The following PPFIA2 variants were observed in gnomAD, a reference collection of about 807,000 sequenced individuals.
PPFIA2 encodes liprin-alpha-2.
In PPFIA2, 46 loss-of-function variants were observed where a neutral mutation model predicts 175.5. The observed-to-expected ratio is 0.26, with a 90% CI of 0.21 to 0.34. The LOEUF is 0.34. Among genes scored for constraint, PPFIA2 ranks in the 10% least tolerant of loss-of-function variants. PPFIA2 has a pLI of 1.00. For missense variants in PPFIA2, 1,179 were observed against 1,506.1 expected (o/e 0.78, Z 3.60); for synonymous variants, 568 against 511.4 (o/e 1.11, Z -1.49).
chr12:81,570,446 G>A (rs886866734), intron 4 of PPFIA2, among the ~76,000 whole-genome samples: 2 of 152,038 alleles, frequency 1.3e-5, no homozygotes, highest in African/African-American at 2.4e-5. Context: ...GTGTTTGGGC[G>A]AGGTGATGAG....
At chr12:81,650,033 G>A (rs1183834947) in intron 4 of PPFIA2, among the ~76,000 whole-genome samples, 13 of 150,590 alleles carry the variant, frequency 8.6e-5, no homozygotes, top group South Asian at 2.1e-4. Context: ...TTCCTGAGAC[G>A]GAGTCTTGCT....
At chr12:81,434,448 T>C (rs1322589073) in intron 7 of PPFIA2, among the ~76,000 whole-genome samples, 1 of 151,952 alleles carries the variant, frequency 6.6e-6, no homozygotes, top group African/African-American at 2.4e-5. Flanking sequence ...ATATGTCAGG[T>C]GAGAATGCAT....
intron 4 of PPFIA2, among the ~76,000 whole-genome samples, chr12:81,540,250 TAA>T (rs997300379): frequency 9.9e-5 from 15 of 152,088 alleles, no homozygotes; most frequent in African/African-American, 3.4e-4. Flanking sequence ...GTAAACCTTT[TAA>T]AGTCTTCTTT....
intron 22 of PPFIA2, among the ~76,000 whole-genome samples, chr12:81,322,107 G>T (rs1369128667): frequency 6.6e-6 from 1 of 152,126 alleles, no homozygotes; most frequent in Non-Finnish European, 1.5e-5. Context: ...CAAGTGCTCG[G>T]ATTACAGGCA....
chr12:81,311,059 T>C (rs1315748241), intron 22 of PPFIA2, among the ~76,000 whole-genome samples: 1 of 152,198 alleles, frequency 6.6e-6, no homozygotes, highest in Non-Finnish European at 1.5e-5. Flanking sequence ...CAGTCCAAAG[T>C]GTTTTAATGA....
At chr12:81,282,375 A>G (rs913310232) in intron 26 of PPFIA2, among the ~76,000 whole-genome samples, 1 of 152,122 alleles carries the variant, frequency 6.6e-6, no homozygotes, top group Non-Finnish European at 1.5e-5. Context: ...GTTTAAATAC[A>G]GGTCCTAATG....
At chr12:81,505,628 A>G (rs888816367) in intron 4 of PPFIA2, 1 of 152,190 alleles carries the variant, frequency 6.6e-6, no homozygotes, top group African/African-American at 2.4e-5. Flanking sequence ...CTACCACAAA[A>G]TTGCAAGTGG....
At chr12:81,485,455 C>T (rs1032857084) in intron 4 of PPFIA2, among the ~76,000 whole-genome samples, 1 of 151,650 alleles carries the variant, frequency 6.6e-6, no homozygotes, top group Non-Finnish European at 1.5e-5. Context: ...TATTTTTCCT[C>T]TAGTGCTAAG....
chr12:81,633,496 C>T (rs1055308793), intron 4 of PPFIA2, among the ~76,000 whole-genome samples: 1 of 151,656 alleles, frequency 6.6e-6, no homozygotes, highest in Non-Finnish European at 1.5e-5. Flanking sequence ...CCTGGGGACC[C>T]AGGCAAGACA....
chr12:81,638,682 C>CTTTTTTTTTTTT (rs869311003), intron 4 of PPFIA2, among the ~76,000 whole-genome samples: 3 of 72,684 alleles, frequency 4.1e-5, no homozygotes, highest in African/African-American at 5.4e-5. Context: ...CATAAATTTT[C>CTTTTTTTTTTTT]TTTTTTTTTT....
At chr12:81,738,939 T>C (rs1260777948) in intron 3 of PPFIA2, among the ~76,000 whole-genome samples, 2 of 151,884 alleles carry the variant, frequency 1.3e-5, no homozygotes, top group Non-Finnish European at 2.9e-5. Context: ...ATACTATTAC[T>C]ACTAGTAATA....
intron 4 of PPFIA2, among the ~76,000 whole-genome samples, chr12:81,642,773 T>TATATATTATATACATACATGC (rs2065402332): frequency 1.0e-5 from 1 of 96,974 alleles, no homozygotes; most frequent in South Asian, 3.9e-4. Context: ...TATATGTATG[T>TATATATTATATACATACATGC]ATGTATTATA....
At chr12:81,348,698 T>C (rs1426197408) in intron 17 of PPFIA2, among the ~76,000 whole-genome samples, 1 of 152,158 alleles carries the variant, frequency 6.6e-6, no homozygotes, top group Non-Finnish European at 1.5e-5. Context: ...ATAGCGCCAC[T>C]GCACTCCAGC....
chr12:81,287,648 C>G (rs1023268619), intron 24 of PPFIA2, among the ~76,000 whole-genome samples: 1 of 151,828 alleles, frequency 6.6e-6, no homozygotes, highest in African/African-American at 2.4e-5. Context: ...TATAGGCAAG[C>G]TCATATGTAG....
At chr12:81,636,249 A>G (rs968632774) in intron 4 of PPFIA2, among the ~76,000 whole-genome samples, 5 of 150,904 alleles carry the variant, frequency 3.3e-5, no homozygotes, top group African/African-American at 1.2e-4. Flanking sequence ...GATTGTATCA[A>G]TCATAACTCT....
chr12:81,591,138 C>A (rs1454641950), intron 4 of PPFIA2, among the ~76,000 whole-genome samples: 1 of 152,048 alleles, frequency 6.6e-6, no homozygotes, highest in Non-Finnish European at 1.5e-5. Flanking sequence ...GGAACTGGAG[C>A]AAAGGTGACC....
chr12:81,271,831 TCTC>T (rs1444960271), intron 28 of PPFIA2, among the ~76,000 whole-genome samples: 2 of 152,110 alleles, frequency 1.3e-5, no homozygotes, highest in African/African-American at 4.8e-5. Flanking sequence ...ATTTTTCAGT[TCTC>T]CTCCATCATG....
intron 4 of PPFIA2, among the ~76,000 whole-genome samples, chr12:81,530,063 G>T (rs1167360767): frequency 1.3e-5 from 2 of 151,902 alleles, no homozygotes; most frequent in Non-Finnish European, 2.9e-5. Flanking sequence ...TATATGACAT[G>T]AAAATTATAT....
rs1555549387 is a variant in PPFIA2 at position 81,642,708 on chromosome 12, A to ATTATATACATACACG, written c.303+34082_303+34083insCGTGTATGTATATAA. On this transcript the variant is annotated intron_variant, in intron 4 of 32. Coordinates refer to ENST00000549396, the MANE Select transcript of PPFIA2 (RefSeq NM_003625.5). ...CTATTATATACATACATGTATATGT[A>ATTATATACATACACG]TGTATGTATTATATACATACATGTA... Among the ~76,000 whole-genome samples, 2 of 95,768 alleles carry ATTATATACATACACG rather than the reference A, an allele frequency of 2.1e-5. 1 individual carries two copies. Among genetic ancestry groups the ATTATATACATACACG allele is most frequent in the African/African-American group, 6.3e-5 (2 of 31,944 alleles). The allele number at this position is 95,768 out of a possible 152,430, so 62.8% of individuals were successfully genotyped here. A position where few individuals can be genotyped will look rare whatever the true frequency, so the allele number is the denominator to read the frequency against.
Sources: gnomAD v4.1 joint callset for allele counts (sites outside exome capture counted in the v4.1 genomes callset) on GRCh38, gnomAD v4.1.1 for gene constraint, MANE v1.5 for transcripts, NCBI Gene and HGNC (gene_info 2026-07-23, HGNC 2026-07-21) for gene names.